Variants in ALX4 observed in about 807,000 individuals in gnomAD.
The protein encoded by ALX4 is homeobox protein aristaless-like 4.
In ALX4, 22 loss-of-function variants were observed where a neutral mutation model predicts 40.6. That is an observed-to-expected ratio of 0.54 (90% CI 0.39 to 0.77). The LOEUF (loss-of-function observed/expected upper bound fraction) is 0.77. Among genes scored for constraint, ALX4 ranks in the 30% least tolerant of loss-of-function variants. ALX4 has a pLI of 0.00. For synonymous variants in ALX4, 266 were observed against 240.5 expected, an observed-to-expected ratio of 1.11 and a Z score of -0.98; for missense variants, 556 against 564.8, an observed-to-expected ratio of 0.98 and a Z score of 0.16.
At chr11:44,293,850 G>C (rs1400888042) in intron 1 of ALX4, among the ~76,000 whole-genome samples, 1 of 152,222 alleles carries the variant, frequency 6.6e-6, no homozygotes, top group African/African-American at 2.4e-5. Context: ...ATATCACATG[G>C]GGGTCCTGGG....
intron 1 of ALX4, among the ~76,000 whole-genome samples, chr11:44,290,037 A>G (rs1457947812): frequency 6.6e-6 from 1 of 152,220 alleles, no homozygotes; most frequent in Admixed American, 6.5e-5. Flanking sequence ...ATACTGCCTG[A>G]TAATGGAAGG....
intron 1 of ALX4, among the ~76,000 whole-genome samples, chr11:44,304,323 G>A (rs576708928): frequency 4.6e-5 from 7 of 152,234 alleles, no homozygotes; most frequent in Admixed American, 3.3e-4. Context: ...ACCGTTGCCT[G>A]GGCCTAGGTC....
In ALX4 at chr11:44,274,493, T is replaced by C. The variant is rs537375896; in HGVS notation, c.777+855A>G. ...GAGTTGAGTGTGTCAGGTTCCATTGTGTTGTGTTGTGTTAGGTTGAGTTCC... is the reference window on the plus strand; with the variant it reads ...GAGTTGAGTGTGTCAGGTTCCATTGCGTTGTGTTGTGTTAGGTTGAGTTCC... On this transcript the variant is annotated intron_variant, in intron 2 of 3. Transcript: ENST00000652299. Among the ~76,000 whole-genome samples, 4 of 152,084 alleles carry C rather than the reference T, an allele frequency of 2.6e-5. No homozygotes were observed. In the East Asian group the frequency reaches 5.8e-4, roughly 22 times the overall value.
intron 1 of ALX4, among the ~76,000 whole-genome samples, chr11:44,277,233 C>T (rs1314819201): frequency 6.6e-6 from 1 of 152,152 alleles, no homozygotes; most frequent in African/African-American, 2.4e-5. Context: ...ACCCACAGAC[C>T]CTGTGAACAT....
In ALX4 at chr11:44,267,485, G is replaced by A. The variant is rs370265770; in HGVS notation, c.906+9C>T. 2.8e-4 allele frequency: 450 copies of A among 1,613,754 alleles called. No homozygotes were observed. Among genetic ancestry groups the A allele is most frequent in the Non-Finnish European group, 3.4e-4 (402 of 1,179,868 alleles). ...GGGATCGGTGGCGGCAGCTCAGGGC[G>A]GGACTTACCTGGGCGTAGTTCTCAG... is the stretch of plus-strand genomic sequence containing the variant. On this transcript the variant is annotated intron_variant, in intron 3 of 3. Transcript: ENST00000652299.
chr11:44,304,391 G>C (rs1956453941), intron 1 of ALX4, among the ~76,000 whole-genome samples: 1 of 152,180 alleles, frequency 6.6e-6, no homozygotes, highest in Non-Finnish European at 1.5e-5. Context: ...CCGGGGGCAG[G>C]AAGTTCTCTC....
chr11:44,278,045 C>G (rs1956287906), intron 1 of ALX4, among the ~76,000 whole-genome samples: 1 of 150,974 alleles, frequency 6.6e-6, no homozygotes, highest in Admixed American at 6.6e-5. Context: ...CCCCACCCAG[C>G]CTCACAAAAA....
chr11:44,264,569 A>T lies in ALX4; in HGVS notation c.*285T>A. 1 of 543,288 alleles carries T rather than the reference A, an allele frequency of 1.8e-6. No homozygotes were observed. The highest frequency in any genetic ancestry group is 3.3e-6 in the Non-Finnish European group (1 of 302,520). 33.7% of individuals were successfully genotyped at this position (543,288 alleles called of 1,614,324 possible). ...GGGAGCAAGAAAGCGCTTTCAGCTT[A>T]TCATGGATGCGAAGCTGAAAAACGT... On this transcript the variant is annotated 3_prime_UTR_variant, in exon 4 of 4. Transcript: ENST00000652299.
At chr11:44,297,115 C>T (rs906718696) in intron 1 of ALX4, among the ~76,000 whole-genome samples, 2 of 150,968 alleles carry the variant, frequency 1.3e-5, no homozygotes, top group Non-Finnish European at 2.9e-5. Flanking sequence ...TGGCGGTTCC[C>T]GTTTAATAGG....
chr11:44,309,713 GGCGGCTGGGGCTGCGGCTGCTGCTGCT>G lies in ALX4; in HGVS notation c.323_349del (p.Gln108_Pro116del). On this transcript the variant is annotated inframe_deletion, in exon 1 of 4. Transcript: ENST00000652299. ...CTGCAAGTAAAGATGCGGTTGCGCG[GGCGGCTGGGGCTGCGGCTGCTGCTGCT>G]GCGGCTGCGGCTGCGGCGGCGGCTG... The G allele has an allele frequency of 5.1e-6, 8 of 1,573,524 alleles. No individual in the cohort carries two copies. Among genetic ancestry groups the G allele is most frequent in the Non-Finnish European group, 6.9e-6 (8 of 1,161,714 alleles).
chr11:44,279,276 G>A (rs1956295371), intron 1 of ALX4, among the ~76,000 whole-genome samples: 1 of 152,202 alleles, frequency 6.6e-6, no homozygotes, highest in Non-Finnish European at 1.5e-5. Context: ...TGACAGCCCT[G>A]TCCCTGCGGA....
chr11:44,278,451 G>A (rs1018635871), intron 1 of ALX4, among the ~76,000 whole-genome samples: 2 of 152,184 alleles, frequency 1.3e-5, no homozygotes, highest in Non-Finnish European at 2.9e-5. Context: ...TCCATCTTGT[G>A]GGGGGCAGGA....
Position 44,305,132 on chromosome 11 carries a change from C to T in ALX4, c.466+4465G>A, listed in dbSNP as rs554675038. Among the ~76,000 whole-genome samples, 9 of 152,352 alleles carry T rather than the reference C, an allele frequency of 5.9e-5. No individual in the cohort carries two copies. The East Asian group carries it at 1.7e-3, about 29-fold the overall frequency. Reference sequence around the variant, plus strand: ...ACGTTTAAGGAAACATGTAAATGGTCTGTTTCTTTATCGAGATGGTCGTCC... The same window carrying T: ...ACGTTTAAGGAAACATGTAAATGGTTTGTTTCTTTATCGAGATGGTCGTCC... On this transcript the variant is annotated intron_variant, in intron 1 of 3. Coordinates refer to ENST00000652299, the MANE Select transcript of ALX4 (RefSeq NM_021926.4).
At chr11:44,277,649 G>A (rs1013648901) in intron 1 of ALX4, among the ~76,000 whole-genome samples, 1 of 152,246 alleles carries the variant, frequency 6.6e-6, no homozygotes, top group African/African-American at 2.4e-5. Context: ...GAGGGCTGAA[G>A]CTTCAGACTC....
At chr11:44,296,489 A>G (rs1200272295) in intron 1 of ALX4, among the ~76,000 whole-genome samples, 1 of 152,268 alleles carries the variant, frequency 6.6e-6, no homozygotes, top group Non-Finnish European at 1.5e-5. Flanking sequence ...ACTTCTGTGC[A>G]TCAAAGGACA....
rs1172183534 is a variant in ALX4, at chr11:44,293,099, AGAAG to A, written c.466+16494_466+16497del. ...GGGTGATAGTGAGACCCTGTCTGAG[AGAAG>A]GAAGGAAGGAAGGAAGGAAGGAAGG... On this transcript the variant is annotated intron_variant, in intron 1 of 3. Transcript: ENST00000652299. 8.1e-3 allele frequency among the ~76,000 whole-genome samples: 300 copies of A among 37,176 alleles called. 7 individuals are homozygous for A. The highest frequency in any genetic ancestry group is 0.062 in the East Asian group (64 of 1,040). 24.4% of individuals were successfully genotyped at this position (37,176 alleles called of 152,430 possible).
intron 1 of ALX4, among the ~76,000 whole-genome samples, chr11:44,304,360 G>A (rs1014828862): frequency 6.6e-6 from 1 of 152,230 alleles, no homozygotes. Flanking sequence ...AGGGGTTTGG[G>A]GGGCTAAGGA....
intron 1 of ALX4, among the ~76,000 whole-genome samples, chr11:44,297,641 G>A (rs963142949): frequency 3.9e-4 from 59 of 152,246 alleles, no homozygotes; most frequent in African/African-American, 1.4e-3. Flanking sequence ...ACTTAAGCCT[G>A]GGAGGCAGAG....
intron 1 of ALX4, among the ~76,000 whole-genome samples, chr11:44,278,390 T>C (rs1956290131): frequency 6.6e-6 from 1 of 151,966 alleles, no homozygotes; most frequent in African/African-American, 2.4e-5. Context: ...GGGAGAGAGG[T>C]AGGGGCAGAA....
Sources: gnomAD v4.1 joint callset for allele counts (sites outside exome capture counted in the v4.1 genomes callset) on GRCh38, gnomAD v4.1.1 for gene constraint, MANE v1.5 for transcripts, NCBI Gene and HGNC (gene_info 2026-07-23, HGNC 2026-07-21) for gene names.